Variants in WWOX observed in about 807,000 individuals in gnomAD.
WWOX encodes WW domain-containing oxidoreductase.
A neutral mutation model predicts 46.2 loss-of-function variants in WWOX; 69 were observed. That is an observed-to-expected ratio of 1.49 (90% confidence interval 1.23 to 1.82). WWOX has a LOEUF of 1.82. Ranked by LOEUF, WWOX falls within the 40% of genes most tolerant of loss-of-function variation. The pLI is 0.00. For missense variants in WWOX, 919 were observed against 542.6 expected, an observed-to-expected ratio of 1.69 and a Z score of -6.89; for synonymous variants, 359 against 202.6, an observed-to-expected ratio of 1.77 and a Z score of -6.56.
At position 78,559,194 on chromosome 16, in the gene WWOX, A is replaced by G. The variant is rs542262014; in HGVS notation, c.1056+126442A>G. On this transcript the variant is annotated intron_variant, in intron 8 of 8. Transcript: ENST00000566780. ...TTCTAGATCTTACCCTGACAGTCAC[A>G]GAAAGCACTGGGAGCGTTTATGAAT... is the stretch of plus-strand genomic sequence containing the variant. Among the ~76,000 whole-genome samples the G allele has an allele frequency of 2.0e-4, 30 of 152,364 alleles. No individual in the cohort carries two copies. In the East Asian group the frequency reaches 5.4e-3, roughly 27 times the overall value.
chr16:78,411,745 C>T (rs949103283), intron 6 of WWOX, among the ~76,000 whole-genome samples: 8 of 152,096 alleles, frequency 5.3e-5, no homozygotes, highest in African/African-American at 1.9e-4. Context: ...CAGGTGTGGG[C>T]TATTGCAGTG....
chr16:78,404,168 G>T (rs2082473875), intron 6 of WWOX, among the ~76,000 whole-genome samples: 1 of 152,112 alleles, frequency 6.6e-6, no homozygotes, highest in Non-Finnish European at 1.5e-5. Flanking sequence ...GTAACAGAGG[G>T]AGGGACTCGG....
chr16:78,913,637 A>G (rs1407216573), intron 8 of WWOX, among the ~76,000 whole-genome samples: 4 of 147,778 alleles, frequency 2.7e-5, no homozygotes, highest in Admixed American at 6.7e-5. Flanking sequence ...ACCCCAACCA[A>G]TACCTGTGCT....
intron 8 of WWOX, among the ~76,000 whole-genome samples, chr16:78,754,760 G>T (rs1358504912): frequency 6.6e-6 from 1 of 152,098 alleles, no homozygotes; most frequent in Non-Finnish European, 1.5e-5. Context: ...CACCAGAGTT[G>T]CTGAGTTTGA....
intron 5 of WWOX, among the ~76,000 whole-genome samples, chr16:78,338,187 T>C (rs2080936772): frequency 8.3e-6 from 1 of 120,948 alleles, no homozygotes; most frequent in Admixed American, 8.0e-5. Context: ...TTTAAAAAAA[T>C]TAATTTTGTG....
intron 8 of WWOX, among the ~76,000 whole-genome samples, chr16:78,728,408 C>G (rs1295547961): frequency 6.6e-6 from 1 of 152,122 alleles, no homozygotes; most frequent in Admixed American, 6.6e-5. Context: ...ACCATATTTT[C>G]AAACAAAGAG....
chr16:78,393,068 G>T (rs1005773926), intron 6 of WWOX, among the ~76,000 whole-genome samples: 8 of 152,190 alleles, frequency 5.3e-5, no homozygotes, highest in African/African-American at 1.7e-4. Context: ...AAACTGGCTT[G>T]TGAGGGATAT....
intron 8 of WWOX, among the ~76,000 whole-genome samples, chr16:78,937,738 C>A (rs899504077): frequency 1.3e-5 from 2 of 151,964 alleles, no homozygotes; most frequent in African/African-American, 4.8e-5. Flanking sequence ...GATTCTCCTG[C>A]CTCAGCCTCC....
At chr16:78,962,244 C>G (rs1457569023) in intron 8 of WWOX, among the ~76,000 whole-genome samples, 3 of 146,694 alleles carry the variant, frequency 2.0e-5, no homozygotes, top group Non-Finnish European at 3.0e-5. Flanking sequence ...TCTTTTTTCT[C>G]TATCCCATTA....
intron 8 of WWOX, among the ~76,000 whole-genome samples, chr16:79,124,288 C>T (rs562593326): frequency 1.3e-5 from 2 of 152,020 alleles, no homozygotes; most frequent in South Asian, 2.1e-4. Flanking sequence ...TAAAAGCATC[C>T]GCGCTTGCAT....
In WWOX at chr16:78,272,635, A is replaced by G. The variant is rs183642824; in HGVS notation, c.516+108346A>G. Among the ~76,000 whole-genome samples the G allele has an allele frequency of 3.7e-3, 559 of 152,300 alleles. 3 individuals carry two copies. Among genetic ancestry groups the G allele is most frequent in the Non-Finnish European group, 5.7e-3 (388 of 68,022 alleles). ...CCTCATTACCTATAGAATAACTCCA[A>G]ACTTTCTGATGATTAAGTGAGATAT... On this transcript the variant is annotated intron_variant, in intron 5 of 8. Coordinates refer to ENST00000566780, the MANE Select transcript of WWOX (RefSeq NM_016373.4).
chr16:78,614,598 T>C (rs2045977461), intron 8 of WWOX, among the ~76,000 whole-genome samples: 1 of 152,116 alleles, frequency 6.6e-6, no homozygotes, highest in Admixed American at 6.5e-5. Context: ...AATGTGTGGG[T>C]CTTTGAGCTA....
At chr16:78,929,138 T>C (rs2045564800) in intron 8 of WWOX, among the ~76,000 whole-genome samples, 1 of 152,188 alleles carries the variant, frequency 6.6e-6, no homozygotes, top group Admixed American at 6.5e-5. Context: ...AGAAATCCAT[T>C]TAAGAATAAG....
intron 8 of WWOX, among the ~76,000 whole-genome samples, chr16:79,044,304 C>A (rs2048027000): frequency 6.6e-6 from 1 of 152,118 alleles, no homozygotes; most frequent in African/African-American, 2.4e-5. Flanking sequence ...AGATGTTGTC[C>A]CTGCCCAAAG....
intron 5 of WWOX, among the ~76,000 whole-genome samples, chr16:78,254,337 G>A (rs1452319443): frequency 6.6e-6 from 1 of 150,686 alleles, no homozygotes; most frequent in Non-Finnish European, 1.5e-5. Flanking sequence ...CTCCCACCTC[G>A]GCCTCCCAAA....
chr16:78,423,888 C>T (rs9932167), intron 6 of WWOX, among the ~76,000 whole-genome samples: 8,474 of 151,038 alleles, frequency 0.056, 291 homozygotes, highest in East Asian at 0.11. Flanking sequence ...AGGGAGAATA[C>T]TATGACAGGC....
chr16:79,075,351 C>T (rs988850582), intron 8 of WWOX, among the ~76,000 whole-genome samples: 1 of 152,186 alleles, frequency 6.6e-6, no homozygotes, highest in Non-Finnish European at 1.5e-5. Flanking sequence ...AAAAAAATCA[C>T]TTATGCTTCC....
intron 8 of WWOX, among the ~76,000 whole-genome samples, chr16:78,848,332 G>C (rs2052353105): frequency 1.3e-5 from 2 of 152,274 alleles, no homozygotes; most frequent in South Asian, 4.1e-4. Context: ...TGCCCCCACA[G>C]ACCTTCCCAG....
chr16:78,201,506 G>C (rs1266199608), intron 5 of WWOX, among the ~76,000 whole-genome samples: 2 of 152,070 alleles, frequency 1.3e-5, no homozygotes, highest in Non-Finnish European at 2.9e-5. Context: ...AGAGGCAAGA[G>C]AGAAGTAGAT....
Sources: allele counts gnomAD v4.1 joint callset (sites outside exome capture counted in the v4.1 genomes callset), GRCh38; gene constraint gnomAD v4.1.1; transcripts MANE v1.5; gene names NCBI Gene and HGNC (gene_info 2026-07-23, HGNC 2026-07-21).